PTN: variants seen among roughly 807,000 people sequenced by gnomAD.
PTN encodes the protein pleiotrophin.
In PTN, 18 loss-of-function variants were observed where a neutral mutation model predicts 24.1. That is an observed-to-expected ratio of 0.75 (90% CI 0.52 to 1.11). PTN has a LOEUF of 1.11. Ranked by LOEUF, PTN falls within the 50% of genes least tolerant of loss-of-function variation. The pLI is 0.00. For missense variants in PTN, 163 were observed against 198.8 expected, an observed-to-expected ratio of 0.82 and a Z score of 1.08; for synonymous variants, 78 against 68.6, an observed-to-expected ratio of 1.14 and a Z score of -0.67.
At chr7:137,322,675 T>C (rs1328104688) in intron 1 of PTN, among the ~76,000 whole-genome samples, 2 of 152,206 alleles carry the variant, frequency 1.3e-5, no homozygotes, top group African/African-American at 4.8e-5. Context: ...AAAGTATTTA[T>C]CAAGAGTCAT....
chr7:137,312,247 A>G lies in PTN; in HGVS notation c.-2+31192T>C, dbSNP rs140522981. On this transcript the variant is annotated intron_variant, in intron 1 of 4. Transcript: ENST00000348225. ...TAATCATTTTCCAGTGAAAATGAATATAAATTAGACTGTGCAGCAATGAGG... is the reference window on the plus strand; with the variant it reads ...TAATCATTTTCCAGTGAAAATGAATGTAAATTAGACTGTGCAGCAATGAGG... Among the ~76,000 whole-genome samples, 222 of 152,362 alleles carry G rather than the reference A, an allele frequency of 1.5e-3. 1 individual carries two copies. The highest frequency in any genetic ancestry group is 5.1e-3 in the African/African-American group (211 of 41,584).
chr7:137,241,653 CT>C, intron 4 of PTN, among the ~76,000 whole-genome samples: 1 of 152,234 alleles, frequency 6.6e-6, no homozygotes, highest in African/African-American at 2.4e-5. Flanking sequence ...TATCATTCTA[CT>C]AAGAAAAGGA....
chr7:137,283,550 A>T (rs1809505862), intron 1 of PTN, among the ~76,000 whole-genome samples: 1 of 152,176 alleles, frequency 6.6e-6, no homozygotes, highest in South Asian at 2.1e-4. Flanking sequence ...TTCATTAGAG[A>T]CCTAGTGACA....
chr7:137,276,755 A>G (rs886518578), intron 1 of PTN, among the ~76,000 whole-genome samples: 3 of 152,136 alleles, frequency 2.0e-5, no homozygotes, highest in Non-Finnish European at 2.9e-5. Flanking sequence ...TAGGATGTAT[A>G]CCAGTGCACA....
chr7:137,331,115 A>T (rs1810351447), intron 1 of PTN, among the ~76,000 whole-genome samples: 1 of 152,164 alleles, frequency 6.6e-6, no homozygotes. Context: ...TGCCTTTGAC[A>T]TAAAGGGCTT....
chr7:137,308,246 T>C (rs1306056871), intron 1 of PTN, among the ~76,000 whole-genome samples: 1 of 152,192 alleles, frequency 6.6e-6, no homozygotes, highest in East Asian at 1.9e-4. Flanking sequence ...AATTTTATTC[T>C]CTTTTCCTGT....
chr7:137,334,771 T>C (rs1270421190), intron 1 of PTN, among the ~76,000 whole-genome samples: 11 of 151,608 alleles, frequency 7.3e-5, no homozygotes, highest in Non-Finnish European at 1.6e-4. Flanking sequence ...CTATTCACAA[T>C]AGCAAAGACT....
At chr7:137,343,284 C>A (rs976906604) in intron 1 of PTN, among the ~76,000 whole-genome samples, 155 bp downstream of exon 1, 1 of 152,138 alleles carries the variant, frequency 6.6e-6, no homozygotes, top group Non-Finnish European at 1.5e-5. Flanking sequence ...GCCTCTGGAG[C>A]AAGTCAGTTT....
intron 2 of PTN, among the ~76,000 whole-genome samples, chr7:137,254,439 CT>C (rs1808882153): frequency 6.6e-6 from 1 of 152,124 alleles, no homozygotes; most frequent in Non-Finnish European, 1.5e-5. Flanking sequence ...CCACAGCCTA[CT>C]TATGACTTTG....
intron 1 of PTN, among the ~76,000 whole-genome samples, chr7:137,280,705 A>AAAAAAAAAAAAG (rs1809457193): frequency 1.3e-5 from 1 of 78,042 alleles, no homozygotes; most frequent in Non-Finnish European, 2.8e-5. Context: ...AATACAAAAA[A>AAAAAAAAAAAAG]AAAAAAAAAA....
intron 1 of PTN, among the ~76,000 whole-genome samples, chr7:137,259,574 T>C (rs17169016): frequency 0.12 from 17,517 of 151,802 alleles, 1,314 homozygotes; most frequent in East Asian, 0.26. Flanking sequence ...AAAATTAGTG[T>C]ACCCCTTTAC....
chr7:137,315,926 T>C (rs1810063768), intron 1 of PTN, among the ~76,000 whole-genome samples: 2 of 152,122 alleles, frequency 1.3e-5, no homozygotes, highest in Admixed American at 6.5e-5. Context: ...CCTACTAGAT[T>C]GGTAGCTTCA....
intron 1 of PTN, among the ~76,000 whole-genome samples, chr7:137,264,793 T>TG (rs1478521215): frequency 6.6e-6 from 1 of 152,100 alleles, no homozygotes; most frequent in East Asian, 1.9e-4. Context: ...TACCACAGCA[T>TG]GGGGGGACTT....
chr7:137,254,994 G>T lies in PTN; in HGVS notation c.-1-20C>A. 1 of 1,492,694 alleles carries T rather than the reference G, an allele frequency of 6.7e-7. No homozygotes were observed. The highest frequency in any genetic ancestry group is 1.4e-5 in the African/African-American group (1 of 73,504). The allele number at this position is 1,492,694 out of a possible 1,614,324, so 92.5% of individuals were successfully genotyped here. On this transcript the variant is annotated intron_variant, in intron 1 of 4. Coordinates refer to ENST00000348225, the MANE Select transcript of PTN (RefSeq NM_002825.7). The stretch of plus-strand genomic sequence containing the variant: ...TGCATTCTAGGAATAAACAGAGAAA[G>T]AGAAGAAGGTGGCATTAACCTAAGT...
intron 1 of PTN, among the ~76,000 whole-genome samples, chr7:137,312,843 C>T (rs891204056): frequency 6.6e-6 from 1 of 152,018 alleles, no homozygotes; most frequent in African/African-American, 2.4e-5. Flanking sequence ...GATATTAAAA[C>T]TAATTCAAAC....
chr7:137,300,067 T>C (rs932414360), intron 1 of PTN, among the ~76,000 whole-genome samples: 1 of 151,620 alleles, frequency 6.6e-6, no homozygotes, highest in Non-Finnish European at 1.5e-5. Context: ...GCAATGTCAC[T>C]TCTCTCTTTA....
At chr7:137,241,334 TCA>T (rs1465421193) in intron 4 of PTN, among the ~76,000 whole-genome samples, 2 of 152,182 alleles carry the variant, frequency 1.3e-5, no homozygotes, top group Non-Finnish European at 2.9e-5. Context: ...AGTAACTATT[TCA>T]CAGAGTTTTG....
chr7:137,294,973 C>G (rs1338238798), intron 1 of PTN, among the ~76,000 whole-genome samples: 1 of 152,054 alleles, frequency 6.6e-6, no homozygotes, highest in Non-Finnish European at 1.5e-5. Context: ...TGCCCTGGGT[C>G]ACCCATCTGG....
intron 2 of PTN, among the ~76,000 whole-genome samples, chr7:137,254,295 CAAAA>C (rs202195331): frequency 2.0e-5 from 2 of 98,790 alleles, no homozygotes; most frequent in Non-Finnish European, 2.1e-5. Context: ...GACTCCAACT[CAAAA>C]AAAAAAAAAA....
Sources: allele counts gnomAD v4.1 joint callset (sites outside exome capture counted in the v4.1 genomes callset), GRCh38; gene constraint gnomAD v4.1.1; transcripts MANE v1.5; gene names NCBI Gene and HGNC (gene_info 2026-07-23, HGNC 2026-07-21).